MCU: variants seen among roughly 807,000 people sequenced by gnomAD.
The protein encoded by MCU is mitochondrial calcium uniporter.
A neutral mutation model predicts 45.2 loss-of-function variants in MCU; 12 were observed. The observed-to-expected ratio is 0.27, with a 90% CI of 0.17 to 0.43. MCU has a LOEUF of 0.43. Ranked by LOEUF, MCU falls within the 20% of genes least tolerant of loss-of-function variation. The pLI, the probability that MCU is intolerant of heterozygous loss-of-function variation, is 1.00. For synonymous variants in MCU, 160 were observed against 165.1 expected, an observed-to-expected ratio of 0.97 and a Z score of 0.24; for missense variants, 324 against 436.7, an observed-to-expected ratio of 0.74 and a Z score of 2.30.
At chr10:72,807,189 C>CT (rs1844465821) in intron 1 of MCU, among the ~76,000 whole-genome samples, 1 of 152,032 alleles carries the variant, frequency 6.6e-6, no homozygotes, top group Non-Finnish European at 1.5e-5. Flanking sequence ...GCCACAAAGA[C>CT]TTTTATAAGG....
At chr10:72,697,346 G>A (rs770374696) in intron 1 of MCU, among the ~76,000 whole-genome samples, 3 of 151,248 alleles carry the variant, frequency 2.0e-5, no homozygotes, top group East Asian at 1.9e-4. Flanking sequence ...CGAACTCCTG[G>A]CCTCGGGTAA....
chr10:72,776,837 A>G (rs1239798163), intron 1 of MCU, among the ~76,000 whole-genome samples: 1 of 152,244 alleles, frequency 6.6e-6, no homozygotes, highest in Non-Finnish European at 1.5e-5. Context: ...TCCACAAAAA[A>G]TTGTTAACAC....
chr10:72,793,609 CAT>C (rs1844200523), intron 1 of MCU, among the ~76,000 whole-genome samples: 2 of 151,996 alleles, frequency 1.3e-5, no homozygotes. Context: ...TGGAATATCT[CAT>C]ATGGTCACAA....
chr10:72,871,238 AG>A (rs1845538090), intron 5 of MCU, 138 bp from the exon 6 acceptor site: 1 of 767,346 alleles, frequency 1.3e-6, no homozygotes, highest in Non-Finnish European at 2.2e-6. Context: ...GATACTATTT[AG>A]GAAGACAAGC....
chr10:72,711,700 CTG>C (rs1368305918), intron 1 of MCU, among the ~76,000 whole-genome samples: 1 of 147,556 alleles, frequency 6.8e-6, no homozygotes, highest in Non-Finnish European at 1.5e-5. Flanking sequence ...TAGAGCAAGA[CTG>C]TGTTTCTTTT....
chr10:72,884,130 G>C lies in MCU; in HGVS notation c.862-136G>C, dbSNP rs1845744894. On this transcript the variant is annotated intron_variant, in intron 6 of 7. Transcript: ENST00000373053. ...GTATGTTTCACAGTAGAAATGTTCAGGTGGTGATTAAATACTTAACACAGC... is the reference window on the plus strand; with the variant it reads ...GTATGTTTCACAGTAGAAATGTTCACGTGGTGATTAAATACTTAACACAGC... 9.7e-6 allele frequency: 6 copies of C among 616,406 alleles called. No individual in the cohort carries two copies. In the South Asian group the frequency reaches 1.2e-4, roughly 12 times the overall value. 38.2% of individuals were successfully genotyped at this position (616,406 alleles called of 1,614,324 possible). A position where few individuals can be genotyped will look rare whatever the true frequency, so the allele number is the denominator to read the frequency against.
At chr10:72,809,175 C>A (rs1844500433) in intron 1 of MCU, among the ~76,000 whole-genome samples, 2 of 152,154 alleles carry the variant, frequency 1.3e-5, no homozygotes, top group Non-Finnish European at 2.9e-5. Context: ...GAGTGCCAGG[C>A]ACGTGCTCAC....
intron 1 of MCU, among the ~76,000 whole-genome samples, chr10:72,747,604 G>A (rs769146600): frequency 6.6e-6 from 1 of 152,212 alleles, no homozygotes; most frequent in Non-Finnish European, 1.5e-5. Flanking sequence ...AGCTGAGGCA[G>A]GAGGATCGCT....
At position 72,742,040 on chromosome 10, in the gene MCU, AAAAAAC is replaced by A. The variant is rs1463067329; in HGVS notation, c.150+49746_150+49751del. ...TCCGTCTCAAAAAAAAAAAAAAAAA[AAAAAAC>A]AAAAACGACATTGCAGTCAACCATA... On this transcript the variant is annotated intron_variant, in intron 1 of 7. Transcript: ENST00000373053. Among the ~76,000 whole-genome samples, 305 of 150,982 alleles carry A rather than the reference AAAAAAC, an allele frequency of 2.0e-3. 1 individual carries two copies. Among genetic ancestry groups the A allele is most frequent in the African/African-American group, 7.2e-3 (293 of 40,648 alleles).
chr10:72,714,684 A>G (rs1842936842), intron 1 of MCU, among the ~76,000 whole-genome samples: 1 of 151,986 alleles, frequency 6.6e-6, no homozygotes, highest in Non-Finnish European at 1.5e-5. Context: ...AGCTGGGATT[A>G]CAGGCATGCA....
intron 1 of MCU, among the ~76,000 whole-genome samples, chr10:72,814,488 A>G (rs1844595591): frequency 1.3e-5 from 2 of 152,186 alleles, no homozygotes; most frequent in Admixed American, 6.6e-5. Context: ...TGTGTGAGGA[A>G]GAGACTTCAA....
rs966753709 is a variant in MCU at position 72,692,756 on chromosome 10, G to A, written c.150+455G>A. On this transcript the variant is annotated intron_variant, in intron 1 of 7. Transcript: ENST00000373053. ...TTGTGTGTGCCAGGAGAGTGGCAGT[G>A]CCATGCTGCTGGGAGCTGCCCCGGA... The A allele has an allele frequency of 5.2e-6, 7 of 1,349,042 alleles. No individual in the cohort carries two copies. The African/African-American group carries it at 1.0e-4, about 20-fold the overall frequency. The allele number at this position is 1,349,042 out of a possible 1,614,324, so 83.6% of individuals were successfully genotyped here.
intron 1 of MCU, among the ~76,000 whole-genome samples, chr10:72,812,375 A>AG (rs1357425243): frequency 6.6e-6 from 1 of 152,072 alleles, no homozygotes; most frequent in Admixed American, 6.6e-5. Flanking sequence ...CGAACTCCTG[A>AG]GCTCAGGTGA....
chr10:72,789,679 A>G (rs1382695822), intron 1 of MCU, among the ~76,000 whole-genome samples: 1 of 152,168 alleles, frequency 6.6e-6, no homozygotes, highest in African/African-American at 2.4e-5. Context: ...CAGGATTCCT[A>G]GCTTGCCCTT....
chr10:72,703,475 A>C (rs554699796), intron 1 of MCU, among the ~76,000 whole-genome samples: 8 of 152,354 alleles, frequency 5.3e-5, no homozygotes, highest in East Asian at 1.9e-4. Flanking sequence ...GGATCAGACT[A>C]TGAAGGGACT....
rs949277328 is a variant in MCU, at chr10:72,706,757, G to A, written c.150+14456G>A. Among the ~76,000 whole-genome samples, 6 of 151,122 alleles carry A rather than the reference G, an allele frequency of 4.0e-5. No individual in the cohort carries two copies. The East Asian group carries it at 7.8e-4, about 20-fold the overall frequency. ...TCACCATGTTGGCCAGAATGGTCTC[G>A]ATCTGTTGACCTCACGATCTGCCCG... On this transcript the variant is annotated intron_variant, in intron 1 of 7. Coordinates refer to ENST00000373053, the MANE Select transcript of MCU (RefSeq NM_138357.3).
At chr10:72,810,628 C>T (rs1411742668) in intron 1 of MCU, among the ~76,000 whole-genome samples, 2 of 128,224 alleles carry the variant, frequency 1.6e-5, no homozygotes, top group African/African-American at 2.6e-5. Flanking sequence ...CCACCACGCC[C>T]AGCTAGGTTG....
chr10:72,724,521 A>C (rs754640535), intron 1 of MCU, among the ~76,000 whole-genome samples: 13 of 152,116 alleles, frequency 8.5e-5, no homozygotes, highest in Non-Finnish European at 1.9e-4. Context: ...CTCCCCCACA[A>C]GTTTGTCACT....
At chr10:72,791,388 A>G (rs1489926767) in intron 1 of MCU, among the ~76,000 whole-genome samples, 2 of 151,990 alleles carry the variant, frequency 1.3e-5, no homozygotes, top group Non-Finnish European at 1.5e-5. Flanking sequence ...CTTCTTTTTG[A>G]TTTTTACTCT....
Sources: allele counts gnomAD v4.1 joint callset (sites outside exome capture counted in the v4.1 genomes callset), GRCh38; gene constraint gnomAD v4.1.1; transcripts MANE v1.5; gene names NCBI Gene and HGNC (gene_info 2026-07-23, HGNC 2026-07-21).